The following PLIN3 variants were observed in gnomAD, a reference collection of about 807,000 sequenced individuals.
PLIN3 encodes the protein perilipin 3.
A neutral mutation model predicts 35.9 loss-of-function variants in PLIN3; 30 were observed. That is an observed-to-expected ratio of 0.84 (90% CI 0.62 to 1.13). The LOEUF is 1.13. PLIN3 is among the 50% of genes most tolerant of loss of function. The pLI is 0.00. For synonymous variants in PLIN3, 261 were observed against 262.5 expected, an observed-to-expected ratio of 0.99 and a Z score of 0.06; for missense variants, 603 against 596.9, an observed-to-expected ratio of 1.01 and a Z score of -0.11.
At chr19:4,856,705 GTT>G (rs1420037223) in intron 4 of PLIN3, among the ~76,000 whole-genome samples, 3 of 126,340 alleles carry the variant, frequency 2.4e-5, no homozygotes, top group African/African-American at 2.9e-5. Flanking sequence ...GAAGGAGGGT[GTT>G]TTTTTTTTTT....
chr19:4,840,197 C>G (rs2029874964), intron 7 of PLIN3, among the ~76,000 whole-genome samples: 1 of 151,950 alleles, frequency 6.6e-6, no homozygotes, highest in African/African-American at 2.4e-5. Flanking sequence ...TGAACTCTAC[C>G]TCAAGTGATC....
intron 4 of PLIN3, among the ~76,000 whole-genome samples, chr19:4,857,615 A>T (rs1484748022): frequency 6.6e-6 from 1 of 152,018 alleles, no homozygotes; most frequent in Admixed American, 6.6e-5. Context: ...CATTTGCTAC[A>T]AGCCATGTGC....
intron 4 of PLIN3, among the ~76,000 whole-genome samples, chr19:4,859,186 G>A (rs868258557): frequency 6.6e-5 from 10 of 152,272 alleles, no homozygotes; most frequent in Middle Eastern, 6.8e-3. Context: ...TAGACAATAT[G>A]TAAATAAATG....
intron 6 of PLIN3, 71 bp downstream of exon 6, chr19:4,847,620 T>C: frequency 7.5e-7 from 1 of 1,326,922 alleles, no homozygotes; most frequent in Non-Finnish European, 1.1e-6. Flanking sequence ...AATAAGCCAC[T>C]GAGCTCTGGG....
intron 5 of PLIN3, among the ~76,000 whole-genome samples, chr19:4,851,611 T>C (rs2030293139): frequency 6.6e-6 from 1 of 151,798 alleles, no homozygotes; most frequent in African/African-American, 2.4e-5. Context: ...TCAAGTTTAG[T>C]CACGTATTTA....
chr19:4,856,511 T>C (rs1244611497), intron 4 of PLIN3, among the ~76,000 whole-genome samples: 1 of 150,306 alleles, frequency 6.7e-6, no homozygotes, highest in African/African-American at 2.4e-5. Flanking sequence ...TGAGCCGAGA[T>C]CGCACCATTG....
intron 1 of PLIN3, among the ~76,000 whole-genome samples, chr19:4,863,249 G>A (rs1390942815): frequency 6.6e-6 from 1 of 152,054 alleles, no homozygotes; most frequent in Non-Finnish European, 1.5e-5. Context: ...TGTAATCCCA[G>A]CACTTTGGGA....
At chr19:4,851,682 G>A (rs2030295516) in intron 5 of PLIN3, among the ~76,000 whole-genome samples, 1 of 151,914 alleles carries the variant, frequency 6.6e-6, no homozygotes. Context: ...AGGGGAGGTT[G>A]TGCAGGACCT....
chr19:4,855,394 C>T (rs1381070476), intron 4 of PLIN3, among the ~76,000 whole-genome samples: 4 of 152,004 alleles, frequency 2.6e-5, no homozygotes, highest in South Asian at 2.1e-4. Flanking sequence ...GAAGCAAGGG[C>T]TTGGCCCTGA....
In PLIN3 at chr19:4,847,867, C is replaced by T; in HGVS notation, c.658G>A (p.Gly220Ser). ...ELARIATSLD[G>S]FDVASVQQQR... ...TGCTGCACGGACGCGACGTCAAAGC[C>T]ATCCAGGGATGTGGCGATGCGGGCT... The change falls in exon 6 of 8, where the codon GGC (glycine) becomes AGC (serine). Residue 220 changes from glycine to serine, a missense_variant. Transcript: ENST00000221957. 1 of 1,613,816 alleles carries T rather than the reference C, an allele frequency of 6.2e-7. No homozygotes were observed. The highest frequency in any genetic ancestry group is 8.5e-7 in the Non-Finnish European group (1 of 1,179,900).
At chr19:4,850,166 G>C (rs993201150) in intron 5 of PLIN3, among the ~76,000 whole-genome samples, 6 of 150,968 alleles carry the variant, frequency 4.0e-5, no homozygotes, top group Non-Finnish European at 5.9e-5. Flanking sequence ...GGCTTGTCTC[G>C]AACTCCCGAC....
intron 4 of PLIN3, among the ~76,000 whole-genome samples, chr19:4,855,695 AC>A (rs1262300953): frequency 1.3e-4 from 20 of 151,836 alleles, no homozygotes; most frequent in Non-Finnish European, 1.8e-4. Context: ...GGCGTGAGCC[AC>A]CGTGCCTGGC....
chr19:4,844,289 C>A (rs1377609683), intron 7 of PLIN3, among the ~76,000 whole-genome samples: 1 of 152,034 alleles, frequency 6.6e-6, no homozygotes, highest in Non-Finnish European at 1.5e-5. Flanking sequence ...CATGGTGAAA[C>A]CCTGTCTCTA....
intron 4 of PLIN3, among the ~76,000 whole-genome samples, chr19:4,856,708 T>C (rs2030487678): frequency 6.8e-6 from 1 of 147,878 alleles, no homozygotes; most frequent in Admixed American, 6.8e-5. Context: ...GGAGGGTGTT[T>C]TTTTTTTTTT....
chr19:4,864,097 T>TTGTGTGTGTGTGTGTG (rs2030763228), intron 1 of PLIN3, among the ~76,000 whole-genome samples: 1 of 111,742 alleles, frequency 8.9e-6, no homozygotes, highest in Admixed American at 9.4e-5. Flanking sequence ...CACACCTGGC[T>TTGTGTGTGTGTGTGTG]AGTGTGTGTG....
chr19:4,849,448 T>C (rs1480342185), intron 5 of PLIN3, among the ~76,000 whole-genome samples: 1 of 151,858 alleles, frequency 6.6e-6, no homozygotes, highest in African/African-American at 2.4e-5. Flanking sequence ...CAACTGGGAC[T>C]ACAGGCGTGC....
At chr19:4,847,597 C>A in intron 6 of PLIN3, 94 bp downstream of exon 6, 1 of 1,057,816 alleles carries the variant, frequency 9.5e-7, no homozygotes, top group Admixed American at 2.2e-5. Context: ...TGCCAGCCTG[C>A]AGAGGGGTGA....
chr19:4,853,930 TC>T (rs2030388413), intron 4 of PLIN3, among the ~76,000 whole-genome samples: 1 of 92,296 alleles, frequency 1.1e-5, no homozygotes, highest in Non-Finnish European at 2.4e-5. Context: ...CGAATCTAAG[TC>T]TTTTTTTTTT....
At position 4,839,162 on chromosome 19, in the gene PLIN3, A is replaced by C. The variant is rs759686146; in HGVS notation, c.*30T>G. On this transcript the variant is annotated 3_prime_UTR_variant, in exon 8 of 8. Transcript: ENST00000221957. ...TCCAGAGCACAGCTGCATTATAGAG[A>C]CGGGGCCCGCTGAGTCCTCTCCTCT... 1 of 1,545,240 alleles carries C rather than the reference A, an allele frequency of 6.5e-7. No individual in the cohort carries two copies. Among genetic ancestry groups the C allele is most frequent in the South Asian group, 1.2e-5 (1 of 84,680 alleles).
Sources: gnomAD v4.1 joint callset for allele counts (sites outside exome capture counted in the v4.1 genomes callset) on GRCh38, gnomAD v4.1.1 for gene constraint, MANE v1.5 for transcripts, NCBI Gene and HGNC (gene_info 2026-07-23, HGNC 2026-07-21) for gene names.